Variants in TSPAN17 observed in about 807,000 individuals in gnomAD.
TSPAN17 encodes the protein tetraspanin-17.
TSPAN17 carries 33 observed loss-of-function variants against 40.5 expected under a neutral mutation model. The observed-to-expected ratio is 0.81, with a 90% CI of 0.62 to 1.09. The LOEUF is 1.09. Among genes scored for constraint, TSPAN17 ranks in the 50% least tolerant of loss-of-function variants. The pLI, the probability that TSPAN17 is intolerant of heterozygous loss-of-function variation, is 0.00. For missense variants in TSPAN17, 365 were observed against 416.8 expected, an observed-to-expected ratio of 0.88 and a Z score of 1.08; for synonymous variants, 166 against 169.4, an observed-to-expected ratio of 0.98 and a Z score of 0.15.
chr5:176,655,167 G>A, intron 5 of TSPAN17, 147 bp downstream of exon 5: 1 of 1,030,712 alleles, frequency 9.7e-7, no homozygotes, highest in South Asian at 1.7e-5. Context: ...ACTGAGGCCT[G>A]TTGGGGCGCG....
intron 3 of TSPAN17, among the ~76,000 whole-genome samples, chr5:176,652,292 G>T (rs1188384500): frequency 6.6e-6 from 1 of 152,198 alleles, no homozygotes; most frequent in Non-Finnish European, 1.5e-5. Flanking sequence ...TCCTGCTGGA[G>T]GCTGAGAGCT....
Position 176,656,135 on chromosome 5 carries a change from G to T in TSPAN17, c.630+10G>T, listed in dbSNP as rs1761147645. Reference sequence around the variant, plus strand: ...CGTCCGGCTCAAACTGGTGAGAGGGGTAGGAACCGGGCTGGGGCAGGCAGG... The same window carrying T: ...CGTCCGGCTCAAACTGGTGAGAGGGTTAGGAACCGGGCTGGGGCAGGCAGG... On this transcript the variant is annotated intron_variant, in intron 6 of 8. Coordinates refer to ENST00000508164, the MANE Select transcript of TSPAN17 (RefSeq NM_130465.5). 1.2e-6 allele frequency: 2 copies of T among 1,614,122 alleles called. No homozygotes were observed. Among genetic ancestry groups the T allele is most frequent in the East Asian group, 4.5e-5 (2 of 44,884 alleles).
chr5:176,651,680 C>T lies in TSPAN17; in HGVS notation c.138+14C>T, dbSNP rs559497836. 7 of 1,613,954 alleles carry T rather than the reference C, an allele frequency of 4.3e-6. No individual in the cohort carries two copies. Among genetic ancestry groups the T allele is most frequent in the East Asian group, 4.5e-5 (2 of 44,876 alleles). The stretch of plus-strand genomic sequence containing the variant: ...TGGGGTGAGAAGGTAAGGCAGCGGG[C>T]GGGCGTGGAGCTGGTATGGGACGAG... On this transcript the variant is annotated intron_variant, in intron 2 of 8. Coordinates refer to ENST00000508164, the MANE Select transcript of TSPAN17 (RefSeq NM_130465.5). The surrounding 1 kb of genome is among the most constrained non-coding windows in gnomAD (Gnocchi z 4.5).
rs1260045304 is a variant in TSPAN17 at position 176,654,742 on chromosome 5, C to T, written c.457-153C>T. The T allele has an allele frequency of 1.1e-6, 1 of 947,186 alleles. No individual in the cohort carries two copies. The highest frequency in any genetic ancestry group is 1.6e-6 in the Non-Finnish European group (1 of 644,126). The allele number at this position is 947,186 out of a possible 1,614,324, so 58.7% of individuals were successfully genotyped here. ...CCTCCACCAGCCTGGAGGTTGGGCCCAGGCCTGTGGGGGTGGGGAGGTGGC... is the reference window on the plus strand; with the variant it reads ...CCTCCACCAGCCTGGAGGTTGGGCCTAGGCCTGTGGGGGTGGGGAGGTGGC... On this transcript the variant is annotated intron_variant, in intron 4 of 8. Transcript: ENST00000508164. This position sits in a 1 kb window ranked among gnomAD's most constrained non-coding sequence, Gnocchi z 4.3.
At position 176,657,521 on chromosome 5, in the gene TSPAN17, C is replaced by G. The variant is rs1761204516; in HGVS notation, c.813C>G (p.Ser271Arg). The G allele has an allele frequency of 1.9e-6, 3 of 1,582,022 alleles. No individual in the cohort carries two copies. The East Asian group carries it at 6.9e-5, about 37-fold the overall frequency. The change falls in exon 9 of 9, where the codon AGC becomes AGG. Residue 271 changes from serine (S) to arginine (R), a missense_variant. Coordinates refer to ENST00000508164, the MANE Select transcript of TSPAN17 (RefSeq NM_130465.5). ...CTTTCTCTTGCTTGCCTCTCAGGAG[C>G]AAATGGAATGATGACTTTGAAAACC... is the stretch of plus-strand genomic sequence containing the variant. ...SDIKAVKANW[S>R]KWNDDFENHW...
intron 8 of TSPAN17, 31 bp from the exon 9 acceptor site, chr5:176,657,487 A>G (rs1761203362): frequency 3.2e-6 from 5 of 1,554,158 alleles, no homozygotes; most frequent in Admixed American, 2.0e-5. Flanking sequence ...AAATGGGTCC[A>G]AGAATTTTCT....
In TSPAN17 at chr5:176,656,939, G is replaced by A. The variant is rs1761179062; in HGVS notation, c.792G>A (p.Lys264=). The A allele has an allele frequency of 2.5e-6, 4 of 1,613,804 alleles. No homozygotes were observed. In the South Asian group the frequency reaches 4.4e-5, roughly 18 times the overall value. The change falls in exon 8 of 9, where the codon AAG becomes AAA. Residue 264 remains lysine (K), a synonymous_variant. Coordinates refer to ENST00000508164, the MANE Select transcript of TSPAN17 (RefSeq NM_130465.5). ...CLAQNLVSDI[K]AVKANWSKWN... ...CCCAGAACCTCGTGAGTGACATCAA[G>A]GCAGTGAAAGCCAACTGGTGAGGCC...
In TSPAN17 at chr5:176,657,605, TCTGA is replaced by T; in HGVS notation, c.901_904del (p.Thr301GlyfsTer41). On this transcript the variant is annotated frameshift_variant, in exon 9 of 9. Transcript: ENST00000508164. LOFTEE classifies it low-confidence loss of function (END_TRUNC). ...CCACGGCGGGGCCTCAGCAGAACTC[TCTGA>T]CTGGGGCCCCTGGCCCGGCCCCACC... 1 of 1,613,732 alleles carries T rather than the reference TCTGA, an allele frequency of 6.2e-7. No homozygotes were observed. The highest frequency in any genetic ancestry group is 8.5e-7 in the Non-Finnish European group (1 of 1,179,866).
intron 1 of TSPAN17, among the ~76,000 whole-genome samples, chr5:176,649,576 T>A (rs148186573): frequency 0.021 from 3,233 of 152,180 alleles, 117 homozygotes; most frequent in African/African-American, 0.073. Flanking sequence ...TATAGGTGTG[T>A]GCCACCACGC....
chr5:176,649,021 G>A (rs1760855715), intron 1 of TSPAN17, among the ~76,000 whole-genome samples: 1 of 152,158 alleles, frequency 6.6e-6, no homozygotes, highest in Admixed American at 6.5e-5. Context: ...AGGCGTGAGA[G>A]ACCCGGGTTT....
At chr5:176,657,119 C>A (rs1477765291) in intron 8 of TSPAN17, 163 bp downstream of exon 8, 3 of 749,138 alleles carry the variant, frequency 4.0e-6, no homozygotes, top group Non-Finnish European at 6.3e-6. Flanking sequence ...TGTCCACCCA[C>A]GGAGGAAGTT....
At chr5:176,652,573 G>A (rs11739733) in intron 3 of TSPAN17, among the ~76,000 whole-genome samples, 170 bp from the exon 4 acceptor site, 75,170 of 151,950 alleles carry the variant, frequency 0.49, 20,107 homozygotes, top group Non-Finnish European at 0.59. Flanking sequence ...AACAACAGAT[G>A]CCTATTACCA....
Position 176,650,010 on chromosome 5 carries a change from G to A in TSPAN17, c.88-1606G>A, listed in dbSNP as rs1760904287. ...CGCCCCGCTCGATATTTGTTAAGGGGTCTGTTTGCATCTGAGGTTTCCTTG... is the reference window on the plus strand; with the variant it reads ...CGCCCCGCTCGATATTTGTTAAGGGATCTGTTTGCATCTGAGGTTTCCTTG... On this transcript the variant is annotated intron_variant, in intron 1 of 8. Coordinates refer to ENST00000508164, the MANE Select transcript of TSPAN17 (RefSeq NM_130465.5). This position sits in a 1 kb window ranked among gnomAD's most constrained non-coding sequence, Gnocchi z 4.0. Among the ~76,000 whole-genome samples, 1 of 152,152 alleles carries A rather than the reference G, an allele frequency of 6.6e-6. No homozygotes were observed. Among genetic ancestry groups the A allele is most frequent in the African/African-American group, 2.4e-5 (1 of 41,436 alleles).
intron 1 of TSPAN17, among the ~76,000 whole-genome samples, chr5:176,648,800 ACAATGAGTT>A (rs1760847706): frequency 6.6e-6 from 1 of 152,250 alleles, no homozygotes; most frequent in Non-Finnish European, 1.5e-5. Flanking sequence ...TTAGGCAGAT[ACAATGAGTT>A]CAATTTGTTG....
rs1316710862 is a variant in TSPAN17 at position 176,652,780 on chromosome 5, T to C, written c.323T>C (p.Leu108Pro). ...CTCGGTCTCATCTTCTTCCTGGAGC[T>C]GGCAACAGGGATCCTGGCCTTTGTC... ...VFLGLIFFLE[L>P]ATGILAFVFK... The change falls in exon 4 of 9, where the codon CTG becomes CCG. Residue 108 changes from leucine to proline, a missense_variant. Leu to Pro is a moderately conservative substitution (Grantham distance 98, BLOSUM62 -3). Transcript: ENST00000508164. The C allele has an allele frequency of 6.2e-7, 1 of 1,614,118 alleles. No individual in the cohort carries two copies. The highest frequency in any genetic ancestry group is 1.7e-5 in the Admixed American group (1 of 60,026).
intron 5 of TSPAN17, among the ~76,000 whole-genome samples, chr5:176,655,734 CA>C (rs11420495): frequency 6.7e-4 from 84 of 125,806 alleles, no homozygotes; most frequent in Middle Eastern, 4.2e-3. Flanking sequence ...CTCGTGTCTA[CA>C]AAAAAAAAAA....
rs1322977014 is a variant in TSPAN17, at chr5:176,658,599, G to C, written c.*901G>C. ...AGTCGGTAACAGCCACTTTCCTTGA[G>C]ACCAAGAGAGTGCGGTGGGGATGGG... is the stretch of plus-strand genomic sequence containing the variant. On this transcript the variant is annotated 3_prime_UTR_variant, in exon 9 of 9. Coordinates refer to ENST00000508164, the MANE Select transcript of TSPAN17 (RefSeq NM_130465.5). The C allele has an allele frequency of 6.6e-6, 1 of 152,272 alleles. No individual in the cohort carries two copies. The highest frequency in any genetic ancestry group is 1.5e-5 in the Non-Finnish European group (1 of 68,054). The allele number at this position is 152,272 out of a possible 1,614,324, so 9.4% of individuals were successfully genotyped here.
In TSPAN17 at chr5:176,651,769, A is replaced by T. The variant is rs1383467715; in HGVS notation, c.154A>T (p.Ile52Phe). Reference protein sequence around the residue: ...AWGEKGVLSNISALTDLGGLD... With the variant: ...AWGEKGVLSNFSALTDLGGLD... ...CCCGGCACAGGGCGTTCTCTCGAAC[A>T]TCTCAGCGCTGACAGATCTGGGAGG... The change falls in exon 3 of 9, where the codon ATC becomes TTC. Residue 52 changes from isoleucine (I) to phenylalanine (F), a missense_variant. Physicochemically the swap from Ile to Phe is conservative, Grantham distance 21. Coordinates refer to ENST00000508164, the MANE Select transcript of TSPAN17 (RefSeq NM_130465.5). The surrounding 1 kb of genome is among the most constrained non-coding windows in gnomAD (Gnocchi z 4.5). 1.9e-6 allele frequency: 3 copies of T among 1,614,036 alleles called. No homozygotes were observed. Among genetic ancestry groups the T allele is most frequent in the Non-Finnish European group, 2.5e-6 (3 of 1,180,006 alleles).
chr5:176,649,330 G>T (rs1760871814), intron 1 of TSPAN17, among the ~76,000 whole-genome samples: 1 of 152,168 alleles, frequency 6.6e-6, no homozygotes, highest in South Asian at 2.1e-4. Flanking sequence ...GCCTAAGGGA[G>T]GCTGCTTGTG....
Sources: allele counts gnomAD v4.1 joint callset (sites outside exome capture counted in the v4.1 genomes callset), GRCh38; gene constraint gnomAD v4.1.1; non-coding constraint Gnocchi (gnomAD v3.1); transcripts MANE v1.5; gene names NCBI Gene and HGNC (gene_info 2026-07-23, HGNC 2026-07-21).